The following CC2D2B variants were observed in gnomAD, a reference collection of about 807,000 sequenced individuals.
The protein encoded by CC2D2B is protein CC2D2B.
CC2D2B carries 128 observed loss-of-function variants against 161.2 expected under a neutral mutation model. The observed-to-expected ratio is 0.79, with a 90% CI of 0.69 to 0.92. The LOEUF (loss-of-function observed/expected upper bound fraction) is 0.92. CC2D2B is among the 40% of genes least tolerant of loss of function. The pLI is 0.00. For synonymous variants in CC2D2B, 391 were observed against 449.8 expected (o/e 0.87, Z 1.65); for missense variants, 1,173 against 1,375.1 (o/e 0.85, Z 2.32).
intron 1 of CC2D2B, among the ~76,000 whole-genome samples, chr10:95,908,948 A>T (rs1230713918): frequency 1.3e-5 from 2 of 152,060 alleles, no homozygotes; most frequent in Non-Finnish European, 2.9e-5. Flanking sequence ...CTGTTTCCAC[A>T]TTAGTTTTCA....
At chr10:95,974,297 T>TC in intron 17 of CC2D2B, 141 bp downstream of exon 17, 1 of 424,952 alleles carries the variant, frequency 2.4e-6, no homozygotes, top group Non-Finnish European at 4.0e-6. Context: ...TTTATTTAAA[T>TC]CACTCTACTA....
chr10:95,995,402 TTA>T, intron 23 of CC2D2B, 37 bp downstream of exon 23: 1 of 1,020,980 alleles, frequency 9.8e-7, no homozygotes, highest in Non-Finnish European at 1.4e-6. Context: ...ATAATATTGA[TTA>T]TGTTTGTTCT....
intron 24 of CC2D2B, among the ~76,000 whole-genome samples, chr10:95,996,653 T>C (rs1230436265): frequency 6.6e-6 from 1 of 152,248 alleles, no homozygotes; most frequent in Non-Finnish European, 1.5e-5. Flanking sequence ...TATTCATCCC[T>C]AAGTATGTAT....
At chr10:96,020,403 C>T (rs1156927226) in intron 32 of CC2D2B, 1 of 152,792 alleles carries the variant, frequency 6.5e-6, no homozygotes, top group Non-Finnish European at 1.5e-5. Context: ...AAGCTATAGA[C>T]TCACTGTCTG....
At chr10:95,910,977 T>G (rs1462800721) in intron 1 of CC2D2B, among the ~76,000 whole-genome samples, 1 of 152,144 alleles carries the variant, frequency 6.6e-6, no homozygotes, top group Non-Finnish European at 1.5e-5. Context: ...CAATTCCAAT[T>G]TTCTAATTAT....
rs1590966172 is a variant in CC2D2B, at chr10:96,032,581, G to C, written c.*573G>C. ...TGATGCTGGGTCTGATACAATTTCA[G>C]ATGGAAGCTGCTCGAGTGGAAAACT... On this transcript the variant is annotated 3_prime_UTR_variant, in exon 35 of 35. Coordinates refer to ENST00000646931, the MANE Select transcript of CC2D2B (RefSeq NM_001349008.3). The C allele has an allele frequency of 9.4e-6, 3 of 319,880 alleles. No homozygotes were observed. The highest frequency in any genetic ancestry group is 1.6e-4 in the East Asian group (2 of 12,866). The allele number at this position is 319,880 out of a possible 1,614,324, so 19.8% of individuals were successfully genotyped here. A position where few individuals can be genotyped will look rare whatever the true frequency, so the allele number is the denominator to read the frequency against.
intron 6 of CC2D2B, among the ~76,000 whole-genome samples, chr10:95,932,366 T>C (rs2075637182): frequency 1.3e-5 from 2 of 152,220 alleles, no homozygotes; most frequent in Admixed American, 1.3e-4. Context: ...ACTGGGGCAT[T>C]TAGCCCATTT....
rs1049345915 is a variant in CC2D2B, at chr10:96,016,229, A to C, written c.3545A>C (p.Lys1182Thr). The change falls in exon 30 of 35, where the codon AAG (lysine) becomes ACG (threonine). Residue 1182 changes from lysine (K) to threonine (T), a missense_variant. This residue lies in a region of CC2D2B where 598 missense variants were observed against 693.2 expected (regional missense o/e 0.86). Coordinates refer to ENST00000646931, the MANE Select transcript of CC2D2B (RefSeq NM_001349008.3). The part of the protein sequence containing the change: ...EHCISLAIGN[K>T]EEHAILLCNF... Reference sequence around the variant, plus strand: ...TGCATCAGTTTAGCTATCGGAAATAAGGAGGAGCATGCCATCCTTCTCTGT... The same window carrying C: ...TGCATCAGTTTAGCTATCGGAAATACGGAGGAGCATGCCATCCTTCTCTGT... 1.2e-6 allele frequency: 2 copies of C among 1,612,078 alleles called. No individual in the cohort carries two copies. The highest frequency in any genetic ancestry group is 2.7e-5 in the African/African-American group (2 of 74,788).
In CC2D2B at chr10:95,992,416, T is replaced by C. The variant is rs907142241; in HGVS notation, c.2472-111T>C. The C allele has an allele frequency of 2.3e-5, 19 of 826,438 alleles. No individual in the cohort carries two copies. The African/African-American group carries it at 3.0e-4, about 13-fold the overall frequency. 51.2% of individuals were successfully genotyped at this position (826,438 alleles called of 1,614,324 possible). A position where few individuals can be genotyped will look rare whatever the true frequency, so the allele number is the denominator to read the frequency against. On this transcript the variant is annotated intron_variant, in intron 21 of 34. Coordinates refer to ENST00000646931, the MANE Select transcript of CC2D2B (RefSeq NM_001349008.3). ...AGACAATTCTGTCTCCCCTCCATAA[T>C]GCAGAGAATATGGTTTAGAATAATG...
intron 26 of CC2D2B, 83 bp downstream of exon 26, chr10:96,010,006 C>A: frequency 2.6e-6 from 2 of 782,286 alleles, no homozygotes; most frequent in South Asian, 3.2e-5. Context: ...GAATCAGACT[C>A]TGTGATTGGC....
At chr10:95,971,491 C>T (rs2077130959) in intron 15 of CC2D2B, among the ~76,000 whole-genome samples, 1 of 151,860 alleles carries the variant, frequency 6.6e-6, no homozygotes. Flanking sequence ...ACCTGGGTTT[C>T]ATGCCCAGTG....
At chr10:95,957,092 C>G (rs77147865) in intron 11 of CC2D2B, among the ~76,000 whole-genome samples, 1 of 152,050 alleles carries the variant, frequency 6.6e-6, no homozygotes, top group Non-Finnish European at 1.5e-5. Context: ...GCTATCCCCC[C>G]ACCCCTGCCC....
At chr10:95,913,407 G>C (rs545742137) in intron 2 of CC2D2B, 2 of 410,870 alleles carry the variant, frequency 4.9e-6, no homozygotes, top group Admixed American at 2.6e-5. Context: ...TGGCTCTTGT[G>C]AACAGTGCTG....
intron 6 of CC2D2B, among the ~76,000 whole-genome samples, chr10:95,934,185 G>A (rs1377080992): frequency 6.6e-6 from 1 of 152,250 alleles, no homozygotes; most frequent in South Asian, 2.1e-4. Flanking sequence ...ACTGTAAGGG[G>A]AAAACCCGCC....
Position 96,012,077 on chromosome 10 carries a change from C to T in CC2D2B, c.3046-108C>T, listed in dbSNP as rs61869175. 1,359 of 539,330 alleles carry T rather than the reference C, an allele frequency of 2.5e-3. 5 individuals carry two copies. Among genetic ancestry groups the T allele is most frequent in the Non-Finnish European group, 3.7e-3 (1,124 of 304,644 alleles). The allele number at this position is 539,330 out of a possible 1,614,324, so 33.4% of individuals were successfully genotyped here. On this transcript the variant is annotated intron_variant, in intron 26 of 34. Coordinates refer to ENST00000646931, the MANE Select transcript of CC2D2B (RefSeq NM_001349008.3). ...GTGCAAATGAGTAGAAGCCCGTTCACGCAAGCAAGCAAGCTTTCTGTGATG... is the reference window on the plus strand; with the variant it reads ...GTGCAAATGAGTAGAAGCCCGTTCATGCAAGCAAGCAAGCTTTCTGTGATG...
rs1187685232 is a variant in CC2D2B, at chr10:96,033,548, C to T, written c.*1540C>T. Among the ~76,000 whole-genome samples the T allele has an allele frequency of 6.6e-6, 1 of 152,154 alleles. No individual in the cohort carries two copies. The highest frequency in any genetic ancestry group is 2.4e-5 in the African/African-American group (1 of 41,438). On this transcript the variant is annotated 3_prime_UTR_variant, in exon 35 of 35. Coordinates refer to ENST00000646931, the MANE Select transcript of CC2D2B (RefSeq NM_001349008.3). Reference sequence around the variant, plus strand: ...GAAAGATGAGGATGCCAAAGACAGACTGAATTCATGCAACTCATTTCTGTA... The same window carrying T: ...GAAAGATGAGGATGCCAAAGACAGATTGAATTCATGCAACTCATTTCTGTA...
chr10:95,977,270 G>A (rs1243720319), intron 17 of CC2D2B, among the ~76,000 whole-genome samples: 2 of 152,114 alleles, frequency 1.3e-5, no homozygotes, highest in Non-Finnish European at 2.9e-5. Flanking sequence ...AGCTACCCAG[G>A]AGGCTGAGGC....
intron 7 of CC2D2B, 184 bp from the exon 8 acceptor site, chr10:95,938,385 A>G: frequency 1.6e-6 from 1 of 611,296 alleles, no homozygotes. Flanking sequence ...ATGTACATAT[A>G]TAGGCATATG....
chr10:95,919,422 A>G (rs900072282), intron 2 of CC2D2B: 4 of 152,226 alleles, frequency 2.6e-5, no homozygotes, highest in African/African-American at 9.6e-5. Context: ...GAGAAGACCA[A>G]GGAGATCAGG....
Sources: allele counts gnomAD v4.1 joint callset (sites outside exome capture counted in the v4.1 genomes callset), GRCh38; gene constraint gnomAD v4.1.1; regional missense constraint gnomAD v4.1.1; transcripts MANE v1.5; gene names NCBI Gene and HGNC (gene_info 2026-07-23, HGNC 2026-07-21).